PDE8B: variants seen among roughly 807,000 people sequenced by gnomAD.
PDE8B encodes the protein high affinity cAMP-specific and IBMX-insensitive 3',5'-cyclic phosphodiesterase 8B.
PDE8B carries 26 observed loss-of-function variants against 101.3 expected under a neutral mutation model. The ratio of observed to expected loss-of-function variants is 0.26; its 90% CI spans 0.19 to 0.36. The LOEUF (loss-of-function observed/expected upper bound fraction) is 0.36, where lower values mean the gene tolerates loss of function less well. Ranked by LOEUF, PDE8B falls within the 10% of genes least tolerant of loss-of-function variation. PDE8B has a pLI of 1.00. For synonymous variants in PDE8B, 424 were observed against 429.3 expected, an observed-to-expected ratio of 0.99 and a Z score of 0.15; for missense variants, 810 against 1,163.1, an observed-to-expected ratio of 0.70 and a Z score of 4.42.
chr5:77,215,839 C>T (rs1276412701), intron 1 of PDE8B, among the ~76,000 whole-genome samples: 2 of 152,086 alleles, frequency 1.3e-5, no homozygotes, highest in African/African-American at 4.8e-5. Flanking sequence ...TTGGAGGGGG[C>T]CAGGGAGCAG....
At chr5:77,235,005 C>A (rs1031536588) in intron 1 of PDE8B, among the ~76,000 whole-genome samples, 1 of 152,160 alleles carries the variant, frequency 6.6e-6, no homozygotes, top group South Asian at 2.1e-4. Flanking sequence ...CCAGTGGTCT[C>A]TCACCCCCAA....
chr5:77,344,952 T>C (rs369735697), intron 7 of PDE8B, 21 bp downstream of exon 7: 2 of 1,500,328 alleles, frequency 1.3e-6, no homozygotes, highest in Non-Finnish European at 1.9e-6. Context: ...AAACCACCTC[T>C]ATCATTAACA....
chr5:77,335,524 A>G (rs946100507), intron 5 of PDE8B, among the ~76,000 whole-genome samples: 3 of 134,382 alleles, frequency 2.2e-5, no homozygotes, highest in Non-Finnish European at 4.8e-5. Flanking sequence ...ACTCCAGTGT[A>G]TATGTGGGGT....
At chr5:77,376,659 G>A (rs1233139522) in intron 10 of PDE8B, among the ~76,000 whole-genome samples, 1 of 152,080 alleles carries the variant, frequency 6.6e-6, no homozygotes, top group Non-Finnish European at 1.5e-5. Context: ...AAGTTCTAAT[G>A]AACAGCATTT....
chr5:77,098,293 TAA>T, the PDE8B span, among the ~76,000 whole-genome samples: 18,896 of 144,998 alleles, frequency 0.13, 1,475 homozygotes, highest in South Asian at 0.23. Flanking sequence ...TTTTTTTTTT[TAA>T]AAAAAAAAAA....
At position 77,309,941 on chromosome 5, in the gene PDE8B, A is replaced by ACCCTT. The variant is rs772985826; in HGVS notation, c.340-2053_340-2052insCCCTT. Reference sequence around the variant, plus strand: ...AACTGGTTTCCCTTTTTAATCATTAATCTTTTTTTTTTTTTTTTTTTTTTT... The same window carrying ACCCTT: ...AACTGGTTTCCCTTTTTAATCATTAACCCTTTCTTTTTTTTTTTTTTTTTTTTTTT... On this transcript the variant is annotated intron_variant, in intron 1 of 21. Transcript: ENST00000264917. Among the ~76,000 whole-genome samples, 86 of 83,110 alleles carry ACCCTT rather than the reference A, an allele frequency of 1.0e-3. 2 individuals are homozygous for ACCCTT. Among genetic ancestry groups the ACCCTT allele is most frequent in the Non-Finnish European group, 1.6e-3 (76 of 46,538 alleles). The allele number at this position is 83,110 out of a possible 152,430, so 54.5% of individuals were successfully genotyped here. A position where few individuals can be genotyped will look rare whatever the true frequency, so the allele number is the denominator to read the frequency against.
chr5:77,143,152 T>A, the PDE8B span, among the ~76,000 whole-genome samples: 1 of 152,198 alleles, frequency 6.6e-6, no homozygotes, highest in Non-Finnish European at 1.5e-5. Flanking sequence ...TAATGTTCCC[T>A]ATGTGCGGCT....
chr5:77,096,003 T>G, the PDE8B span, among the ~76,000 whole-genome samples: 3 of 152,184 alleles, frequency 2.0e-5, no homozygotes, highest in Non-Finnish European at 2.9e-5. Context: ...ATACACATTT[T>G]TTTTTGAGAT....
At chr5:77,105,721 C>A in the PDE8B span, 1 of 152,158 alleles carries the variant, frequency 6.6e-6, no homozygotes, top group African/African-American at 2.4e-5. Context: ...TGAGAAACTG[C>A]CAAAGTATTT....
chr5:77,143,840 G>T, the PDE8B span: 1 of 151,346 alleles, frequency 6.6e-6, no homozygotes, highest in African/African-American at 2.4e-5. Flanking sequence ...TCTCATAAGG[G>T]AGTGGTCCTT....
the PDE8B span, among the ~76,000 whole-genome samples, chr5:77,161,697 C>A: frequency 6.6e-6 from 1 of 152,098 alleles, no homozygotes. Flanking sequence ...AAGACACTGG[C>A]AAACTCTTAA....
chr5:77,241,911 C>T (rs1179134305), intron 1 of PDE8B, among the ~76,000 whole-genome samples: 2 of 152,216 alleles, frequency 1.3e-5, no homozygotes, highest in Admixed American at 1.3e-4. Flanking sequence ...AAATCCACTG[C>T]CTTGCCCACC....
intron 4 of PDE8B, 37 bp downstream of exon 4, chr5:77,329,094 T>G: frequency 2.0e-6 from 3 of 1,514,510 alleles, no homozygotes; most frequent in South Asian, 2.2e-5. Flanking sequence ...GAAGGAGTAC[T>G]GTTCATTCTG....
chr5:77,371,820 A>G (rs1785123937), intron 10 of PDE8B, among the ~76,000 whole-genome samples: 1 of 152,326 alleles, frequency 6.6e-6, no homozygotes, highest in Middle Eastern at 3.4e-3. Context: ...ATTTATTTCA[A>G]AGTACTTTAT....
chr5:77,383,961 C>T (rs555950539), intron 10 of PDE8B, among the ~76,000 whole-genome samples: 13 of 152,206 alleles, frequency 8.5e-5, no homozygotes, highest in Non-Finnish European at 1.5e-4. Context: ...CTTGGCTATG[C>T]GGGCTCTTTT....
chr5:77,088,013 G>A, the PDE8B span: 3,975 of 152,296 alleles, frequency 0.026, 96 homozygotes, highest in Non-Finnish European at 0.037. Flanking sequence ...GTCAGTGGGT[G>A]GGGAAGTGTA....
chr5:77,274,808 T>C (rs1479532570), intron 1 of PDE8B, among the ~76,000 whole-genome samples: 1 of 152,154 alleles, frequency 6.6e-6, no homozygotes, highest in African/African-American at 2.4e-5. Flanking sequence ...TTTTAGCAGT[T>C]GTAGACCTGA....
chr5:77,150,370 G>A, the PDE8B span, among the ~76,000 whole-genome samples: 86 of 152,256 alleles, frequency 5.6e-4, no homozygotes, highest in African/African-American at 1.9e-3. Context: ...GTTCCCAATG[G>A]AATTGAATCC....
At chr5:77,381,686 G>A (rs1426661033) in intron 10 of PDE8B, among the ~76,000 whole-genome samples, 2 of 151,834 alleles carry the variant, frequency 1.3e-5, no homozygotes, top group Non-Finnish European at 1.5e-5. Flanking sequence ...ATTGTTTTTA[G>A]GGTTTTCTCC....
Sources: allele counts gnomAD v4.1 joint callset (sites outside exome capture counted in the v4.1 genomes callset), GRCh38; gene constraint gnomAD v4.1.1; transcripts MANE v1.5; gene names NCBI Gene and HGNC (gene_info 2026-07-23, HGNC 2026-07-21).